Variants in NALCN observed in about 807,000 individuals in gnomAD.
NALCN encodes the protein sodium leak channel NALCN.
NALCN carries 111 observed loss-of-function variants against 225.3 expected under a neutral mutation model. The ratio of observed to expected loss-of-function variants is 0.49; its 90% CI spans 0.42 to 0.58. The LOEUF is 0.58. Ranked by LOEUF, NALCN falls within the 20% of genes least tolerant of loss-of-function variation. The probability of loss-of-function intolerance (pLI) is 0.00; values close to 1 mark genes in which losing one functional copy is unlikely to be tolerated. For synonymous variants in NALCN, 764 were observed against 769.0 expected (o/e 0.99, Z 0.11); for missense variants, 1,378 against 2,202.4 (o/e 0.63, Z 7.49).
chr13:101,205,478 T>C (rs1056041949), intron 13 of NALCN, among the ~76,000 whole-genome samples: 1 of 152,138 alleles, frequency 6.6e-6, no homozygotes, highest in Non-Finnish European at 1.5e-5. Flanking sequence ...ACTTATATTT[T>C]ACCCCTGACA....
chr13:101,103,134 C>A, intron 26 of NALCN, 38 bp downstream of exon 26: 1 of 1,598,270 alleles, frequency 6.3e-7, no homozygotes, highest in Non-Finnish European at 8.5e-7. Context: ...TAGAGGTGGA[C>A]TACTGTGAAC....
intron 14 of NALCN, among the ~76,000 whole-genome samples, chr13:101,186,681 C>T (rs1434785122): frequency 2.6e-5 from 4 of 151,992 alleles, no homozygotes; most frequent in African/African-American, 9.7e-5. Context: ...GAACAGTTTA[C>T]CTTTTTTGTG....
chr13:101,191,902 A>C lies in NALCN; in HGVS notation c.1764+15T>G. 1 of 1,597,864 alleles carries C rather than the reference A, an allele frequency of 6.3e-7. No homozygotes were observed. Among genetic ancestry groups the C allele is most frequent in the Non-Finnish European group, 8.5e-7 (1 of 1,174,970 alleles). Reference sequence around the variant, plus strand: ...AAATTCCAAGATATAATTGAAAAAAAAATGCTGAACTCACCAGAGTGGCAA... The same window carrying C: ...AAATTCCAAGATATAATTGAAAAAACAATGCTGAACTCACCAGAGTGGCAA... On this transcript the variant is annotated intron_variant, in intron 14 of 43. Transcript: ENST00000251127.
chr13:101,194,111 T>C (rs2039793407), intron 13 of NALCN, among the ~76,000 whole-genome samples: 1 of 152,214 alleles, frequency 6.6e-6, no homozygotes. Context: ...TGATGTTTTC[T>C]CATCTGTTGC....
At chr13:101,267,543 A>C (rs955557767) in intron 10 of NALCN, among the ~76,000 whole-genome samples, 1 of 152,228 alleles carries the variant, frequency 6.6e-6, no homozygotes, top group African/African-American at 2.4e-5. Flanking sequence ...AGGTGAAGTA[A>C]GCAGAGACTT....
chr13:101,075,837 T>C (rs2033217028), intron 35 of NALCN, 36 bp downstream of exon 35: 3 of 1,555,842 alleles, frequency 1.9e-6, no homozygotes, highest in Non-Finnish European at 2.6e-6. Flanking sequence ...AACACATATA[T>C]GACCTTTAAG....
Position 101,399,111 on chromosome 13 carries a change from G to A in NALCN, c.16C>T (p.Gln6Ter), listed in dbSNP as rs779809084. 6.2e-7 allele frequency: 1 copy of A among 1,613,328 alleles called. No homozygotes were observed. The highest frequency in any genetic ancestry group is 8.5e-7 in the Non-Finnish European group (1 of 1,179,484). The change falls in exon 2 of 44, where the codon CAG (glutamine) becomes TAG (stop). Residue 6 changes from glutamine (Q) to a stop codon, truncating the protein, a stop_gained. Coordinates refer to ENST00000251127, the MANE Select transcript of NALCN (RefSeq NM_052867.4). LOFTEE classifies it high-confidence loss of function. ...GGCTGGGCTTCCACCCTGGAACTCT[G>A]CTTCCTTTTGAGCATGCTGAGGTTA... The part of the protein sequence containing the change: MLKRK[Q>*]SSRVEAQPVT...
chr13:101,247,998 G>A (rs758672256), intron 11 of NALCN, among the ~76,000 whole-genome samples: 18 of 152,192 alleles, frequency 1.2e-4, no homozygotes, highest in East Asian at 3.9e-4. Context: ...ATGTGATCTC[G>A]TTCCTTTTTA....
chr13:101,110,752 CA>C, intron 19 of NALCN, 64 bp from the exon 20 acceptor site: 1 of 1,524,982 alleles, frequency 6.6e-7, no homozygotes, highest in South Asian at 1.1e-5. Flanking sequence ...AAGCAGTGAC[CA>C]TGATAAAATC....
intron 10 of NALCN, among the ~76,000 whole-genome samples, chr13:101,275,482 A>G (rs1768871441): frequency 6.6e-6 from 1 of 152,164 alleles, no homozygotes; most frequent in African/African-American, 2.4e-5. Context: ...AACCCAGGAA[A>G]ACTGCATTCT....
intron 15 of NALCN, among the ~76,000 whole-genome samples, chr13:101,165,028 C>T (rs1566368346): frequency 1.3e-5 from 2 of 152,170 alleles, no homozygotes; most frequent in African/African-American, 2.4e-5. Flanking sequence ...ACGGTCCTCT[C>T]GCTCCTGGGC....
intron 15 of NALCN, among the ~76,000 whole-genome samples, chr13:101,163,152 C>T (rs1032586993): frequency 6.6e-6 from 1 of 152,132 alleles, no homozygotes; most frequent in Non-Finnish European, 1.5e-5. Context: ...ATCCACCTGC[C>T]TCGGCTTCCC....
intron 14 of NALCN, among the ~76,000 whole-genome samples, chr13:101,186,097 T>C (rs1292379684): frequency 6.6e-6 from 1 of 152,258 alleles, no homozygotes; most frequent in Non-Finnish European, 1.5e-5. Flanking sequence ...CGCATGTGTT[T>C]ATATGTTAGC....
At chr13:101,121,573 A>T (rs2139686987) in intron 18 of NALCN, among the ~76,000 whole-genome samples, 1 of 152,266 alleles carries the variant, frequency 6.6e-6, no homozygotes, top group Admixed American at 6.5e-5. Flanking sequence ...AAGACTAAAG[A>T]CAATAATTCT....
intron 13 of NALCN, among the ~76,000 whole-genome samples, chr13:101,218,809 G>A (rs1327891347): frequency 1.3e-5 from 2 of 152,070 alleles, no homozygotes; most frequent in Non-Finnish European, 2.9e-5. Flanking sequence ...TTCCCCAGGA[G>A]CCAAGCAGAT....
chr13:101,064,107 A>G (rs1441039462), intron 40 of NALCN, among the ~76,000 whole-genome samples: 1 of 152,222 alleles, frequency 6.6e-6, no homozygotes, highest in African/African-American at 2.4e-5. Context: ...ATAACTCAGA[A>G]GCACTGGTGA....
chr13:101,055,256 G>C lies in NALCN; in HGVS notation c.*39C>G. 1 of 1,527,874 alleles carries C rather than the reference G, an allele frequency of 6.5e-7. No homozygotes were observed. The highest frequency in any genetic ancestry group is 9.0e-7 in the Non-Finnish European group (1 of 1,110,712). 94.6% of individuals were successfully genotyped at this position (1,527,874 alleles called of 1,614,324 possible). ...ACAATCAAGGACATTATTAGAAAAC[G>C]GTTTCCACCACTAGAAATTCATCTA... On this transcript the variant is annotated 3_prime_UTR_variant, in exon 44 of 44. Transcript: ENST00000251127.
intron 9 of NALCN, among the ~76,000 whole-genome samples, chr13:101,289,545 T>C (rs1171947409): frequency 6.1e-5 from 8 of 131,644 alleles, no homozygotes; most frequent in Non-Finnish European, 1.2e-4. Flanking sequence ...TATATATATA[T>C]ATATACACAT....
intron 6 of NALCN, among the ~76,000 whole-genome samples, chr13:101,359,034 AG>A (rs2046146877): frequency 1.3e-5 from 2 of 149,286 alleles, no homozygotes; most frequent in South Asian, 4.2e-4. Flanking sequence ...TCGCGGGGTG[AG>A]GGGCAGGGGG....
Sources: allele counts gnomAD v4.1 joint callset (sites outside exome capture counted in the v4.1 genomes callset), GRCh38; gene constraint gnomAD v4.1.1; transcripts MANE v1.5; gene names NCBI Gene and HGNC (gene_info 2026-07-23, HGNC 2026-07-21).